The following SH3GL3 variants were observed in gnomAD, a reference collection of about 807,000 sequenced individuals.
SH3GL3 encodes the protein SH3 domain containing GRB2 like 3, endophilin A3.
In SH3GL3, 33 loss-of-function variants were observed where a neutral mutation model predicts 47.7. That is an observed-to-expected ratio of 0.69 (90% CI 0.52 to 0.92). The LOEUF (loss-of-function observed/expected upper bound fraction) is 0.92. SH3GL3 is among the 40% of genes least tolerant of loss of function. SH3GL3 has a pLI of 0.00. For missense variants in SH3GL3, 363 were observed against 417.8 expected (o/e 0.87, Z 1.14); for synonymous variants, 155 against 148.8 (o/e 1.04, Z -0.30).
intron 1 of SH3GL3, among the ~76,000 whole-genome samples, chr15:83,518,642 CT>C (rs1178218492): frequency 6.6e-6 from 1 of 151,946 alleles, no homozygotes; most frequent in Non-Finnish European, 1.5e-5. Flanking sequence ...GATATTAGAC[CT>C]TTGTTGGATG....
intron 4 of SH3GL3, among the ~76,000 whole-genome samples, chr15:83,571,812 G>C (rs2045830152): frequency 6.6e-6 from 1 of 152,134 alleles, no homozygotes; most frequent in African/African-American, 2.4e-5. Flanking sequence ...CATTTCCCAG[G>C]GATGTTTTCT....
chr15:83,532,065 AT>A (rs1412435603), intron 1 of SH3GL3, among the ~76,000 whole-genome samples: 4 of 152,148 alleles, frequency 2.6e-5, no homozygotes, highest in African/African-American at 9.7e-5. Context: ...AGTCCATTAC[AT>A]TTTTCTTAGG....
At chr15:83,541,832 A>T (rs1009742591) in intron 1 of SH3GL3, among the ~76,000 whole-genome samples, 3 of 152,024 alleles carry the variant, frequency 2.0e-5, no homozygotes, top group Non-Finnish European at 4.4e-5. Context: ...TTTCCTATAG[A>T]GTTATTTGAC....
chr15:83,496,747 C>T (rs541624163), intron 1 of SH3GL3, among the ~76,000 whole-genome samples: 3 of 152,126 alleles, frequency 2.0e-5, no homozygotes, highest in South Asian at 4.1e-4. Context: ...AGAAGCTTGT[C>T]GGTGACTCTG....
At chr15:83,461,069 C>T (rs183525212) in intron 1 of SH3GL3, among the ~76,000 whole-genome samples, 10 of 149,916 alleles carry the variant, frequency 6.7e-5, no homozygotes, top group South Asian at 2.1e-4. Flanking sequence ...GGCGACAGAG[C>T]GAGACTCCAT....
intron 1 of SH3GL3, among the ~76,000 whole-genome samples, chr15:83,459,360 A>C (rs2040159692): frequency 6.6e-6 from 1 of 152,182 alleles, no homozygotes; most frequent in East Asian, 1.9e-4. Context: ...TCAAGTTGAC[A>C]CTCAACGTTA....
intron 1 of SH3GL3, among the ~76,000 whole-genome samples, chr15:83,538,808 A>C (rs919175288): frequency 6.6e-6 from 1 of 152,152 alleles, no homozygotes. Context: ...TGTTATTATG[A>C]GTAATACTAT....
intron 5 of SH3GL3, 101 bp downstream of exon 5, chr15:83,572,799 A>T (rs2059575717): frequency 4.7e-6 from 4 of 842,392 alleles, no homozygotes; most frequent in Admixed American, 2.7e-5. Context: ...TCATCTTATG[A>T]TGCTTGTGGG....
intron 1 of SH3GL3, among the ~76,000 whole-genome samples, chr15:83,449,144 G>A (rs2039603256): frequency 6.6e-6 from 1 of 152,144 alleles, no homozygotes; most frequent in Non-Finnish European, 1.5e-5. Flanking sequence ...CCCCATTTAG[G>A]GACAATGTTT....
At chr15:83,592,434 G>A (rs2060132692) in intron 8 of SH3GL3, among the ~76,000 whole-genome samples, 2 of 152,040 alleles carry the variant, frequency 1.3e-5, no homozygotes, top group South Asian at 4.2e-4. Flanking sequence ...ACTACTCTTG[G>A]GTCACATAAG....
At chr15:83,524,096 A>T (rs1324821140) in intron 1 of SH3GL3, among the ~76,000 whole-genome samples, 1 of 152,182 alleles carries the variant, frequency 6.6e-6, no homozygotes, top group Non-Finnish European at 1.5e-5. Flanking sequence ...TAGGAAGTGA[A>T]TATGGTTGGT....
chr15:83,467,737 C>G (rs898142436), intron 1 of SH3GL3, among the ~76,000 whole-genome samples: 5 of 152,200 alleles, frequency 3.3e-5, no homozygotes, highest in African/African-American at 1.2e-4. Context: ...GTTGTCAGCA[C>G]ATAGATCGTG....
intron 8 of SH3GL3, among the ~76,000 whole-genome samples, chr15:83,611,244 G>GTCTCTCTCTC (rs35606421): frequency 1.1e-4 from 17 of 149,344 alleles, no homozygotes; most frequent in Admixed American, 8.0e-4. Context: ...TTGTGGTAGG[G>GTCTCTCTCTC]TCTCTCTCTC....
chr15:83,566,363 AGAGTGTGTGTGTGT>A (rs2045539064), intron 3 of SH3GL3, among the ~76,000 whole-genome samples: 1 of 128,260 alleles, frequency 7.8e-6, no homozygotes, highest in Non-Finnish European at 1.6e-5. Flanking sequence ...AGAGAGAGAG[AGAGTGTGTGTGTGT>A]GTGTGTGTGT....
At chr15:83,525,560 C>A (rs1439977929) in intron 1 of SH3GL3, among the ~76,000 whole-genome samples, 2 of 151,822 alleles carry the variant, frequency 1.3e-5, no homozygotes, top group East Asian at 3.9e-4. Flanking sequence ...TTTTTCTTAC[C>A]CATGCTTCTG....
intron 8 of SH3GL3, among the ~76,000 whole-genome samples, chr15:83,612,191 G>C (rs1359125486): frequency 1.3e-5 from 2 of 152,176 alleles, no homozygotes; most frequent in East Asian, 1.9e-4. Flanking sequence ...TTCCCTATCA[G>C]GGCTGTTGGT....
At chr15:83,503,670 G>C (rs576112015) in intron 1 of SH3GL3, among the ~76,000 whole-genome samples, 1 of 152,292 alleles carries the variant, frequency 6.6e-6, no homozygotes, top group African/African-American at 2.4e-5. Flanking sequence ...TGGGATTCCA[G>C]TCCTGGAAAC....
At chr15:83,598,873 G>A (rs2151825928) in intron 8 of SH3GL3, among the ~76,000 whole-genome samples, 1 of 152,250 alleles carries the variant, frequency 6.6e-6, no homozygotes, top group East Asian at 1.9e-4. Context: ...TTATTTTCAT[G>A]CTTACAGTCT....
downstream of SH3GL3, among the ~76,000 whole-genome samples, chr15:83,619,425 G>A (rs893433573): frequency 6.6e-6 from 1 of 152,176 alleles, no homozygotes; most frequent in East Asian, 1.9e-4. Context: ...CTGGGGGAGG[G>A]GAGGAGGGAG....
Sources: allele counts gnomAD v4.1 joint callset (sites outside exome capture counted in the v4.1 genomes callset), GRCh38; gene constraint gnomAD v4.1.1; transcripts MANE v1.5; gene names NCBI Gene and HGNC (gene_info 2026-07-23, HGNC 2026-07-21).